ERBB4: variants seen among roughly 807,000 people sequenced by gnomAD.
ERBB4 encodes the protein erb-b2 receptor tyrosine kinase 4, also known as receptor tyrosine-protein kinase erbB-4.
ERBB4 carries 42 observed loss-of-function variants against 158.0 expected under a neutral mutation model. The observed-to-expected ratio is 0.27, with a 90% CI of 0.21 to 0.34. ERBB4 has a LOEUF of 0.34. Ranked by LOEUF, ERBB4 falls within the 10% of genes least tolerant of loss-of-function variation. The pLI is 1.00. For synonymous variants in ERBB4, 583 were observed against 558.7 expected (o/e 1.04, Z -0.61); for missense variants, 1,333 against 1,624.1 (o/e 0.82, Z 3.08).
At chr2:211,513,079 T>A (rs2065921884) in intron 20 of ERBB4, among the ~76,000 whole-genome samples, 1 of 152,138 alleles carries the variant, frequency 6.6e-6, no homozygotes, top group Non-Finnish European at 1.5e-5. Context: ...AACACTGGTC[T>A]GCTTAAGTGT....
intron 3 of ERBB4, among the ~76,000 whole-genome samples, chr2:211,935,539 A>G (rs1270164184): frequency 6.6e-6 from 1 of 152,098 alleles, no homozygotes; most frequent in African/African-American, 2.4e-5. Flanking sequence ...CCTGCACCCT[A>G]AGGCCTTTGA....
At chr2:212,186,542 C>T (rs910921399) in intron 1 of ERBB4, among the ~76,000 whole-genome samples, 10 of 152,054 alleles carry the variant, frequency 6.6e-5, no homozygotes, top group African/African-American at 7.2e-5. Context: ...AAATTGTTCC[C>T]GACCTGATTT....
intron 4 of ERBB4, among the ~76,000 whole-genome samples, chr2:211,786,319 A>G (rs577235749): frequency 3.9e-5 from 6 of 152,218 alleles, no homozygotes; most frequent in Non-Finnish European, 8.8e-5. Flanking sequence ...GTCAAAAAAC[A>G]GTCAATTCAT....
chr2:211,686,030 T>A (rs183007929), intron 12 of ERBB4, among the ~76,000 whole-genome samples: 334 of 152,270 alleles, frequency 2.2e-3, no homozygotes, highest in African/African-American at 7.5e-3. Flanking sequence ...TTTTTTGAAA[T>A]TTTTTATGTA....
At chr2:212,324,787 G>A (rs1283872714) in intron 1 of ERBB4, among the ~76,000 whole-genome samples, 5 of 150,248 alleles carry the variant, frequency 3.3e-5, no homozygotes, top group Admixed American at 6.6e-5. Flanking sequence ...GGGAAGAGGG[G>A]GAAATACTAC....
chr2:212,064,018 T>C (rs972933880), intron 2 of ERBB4, among the ~76,000 whole-genome samples: 1 of 152,068 alleles, frequency 6.6e-6, no homozygotes, highest in African/African-American at 2.4e-5. Flanking sequence ...ATAATAGAGA[T>C]ATGTATAAGA....
intron 20 of ERBB4, among the ~76,000 whole-genome samples, chr2:211,492,273 T>C (rs778773137): frequency 3.9e-5 from 6 of 152,068 alleles, no homozygotes; most frequent in Non-Finnish European, 8.8e-5. Context: ...TATTCTGATT[T>C]TGGGGGGAGC....
chr2:212,336,910 T>C (rs1029607676), intron 1 of ERBB4, among the ~76,000 whole-genome samples: 2 of 152,058 alleles, frequency 1.3e-5, no homozygotes, highest in Non-Finnish European at 2.9e-5. Flanking sequence ...TAAGTAGTTC[T>C]GAGGTAGGTC....
At chr2:212,066,664 T>G (rs990568021) in intron 2 of ERBB4, among the ~76,000 whole-genome samples, 20 of 152,010 alleles carry the variant, frequency 1.3e-4, no homozygotes, top group Non-Finnish European at 1.9e-4. Context: ...CCAAATTTCC[T>G]TGTCAATTGT....
intron 25 of ERBB4, among the ~76,000 whole-genome samples, chr2:211,403,824 G>T (rs1387739705): frequency 6.6e-6 from 1 of 151,652 alleles, no homozygotes; most frequent in African/African-American, 2.4e-5. Context: ...TTCCAGCATG[G>T]GCTTTGAAGT....
intron 14 of ERBB4, among the ~76,000 whole-genome samples, chr2:211,666,542 G>C (rs2071635267): frequency 6.6e-6 from 1 of 152,142 alleles, no homozygotes; most frequent in South Asian, 2.1e-4. Context: ...TGGTATAATG[G>C]ATGGAAAGCA....
In ERBB4 at chr2:212,367,387, G is replaced by A. The variant is rs192525627; in HGVS notation, c.82+171062C>T. On this transcript the variant is annotated intron_variant, in intron 1 of 27. Transcript: ENST00000342788. ...CGCTGGGATAATTGGCTAGCCACACGTAGGAGAATGATACTGGATCCTCAT... is the reference window on the plus strand; with the variant it reads ...CGCTGGGATAATTGGCTAGCCACACATAGGAGAATGATACTGGATCCTCAT... Among the ~76,000 whole-genome samples, 12 of 152,126 alleles carry A rather than the reference G, an allele frequency of 7.9e-5. 1 individual carries two copies. Among genetic ancestry groups the A allele is most frequent in the Non-Finnish European group, 1.2e-4 (8 of 67,996 alleles).
chr2:211,563,020 C>G (rs1013737190), intron 19 of ERBB4, among the ~76,000 whole-genome samples: 5 of 152,062 alleles, frequency 3.3e-5, no homozygotes, highest in African/African-American at 1.2e-4. Context: ...ATCCGCCCGC[C>G]TCGGCCTCCC....
chr2:211,965,039 A>T (rs543602686), intron 2 of ERBB4, among the ~76,000 whole-genome samples: 62 of 152,306 alleles, frequency 4.1e-4, no homozygotes, highest in Non-Finnish European at 8.5e-4. Context: ...ACAGACTATT[A>T]CCTATACGGC....
intron 4 of ERBB4, among the ~76,000 whole-genome samples, chr2:211,762,156 G>A (rs2075431700): frequency 6.6e-6 from 1 of 152,194 alleles, no homozygotes; most frequent in African/African-American, 2.4e-5. Context: ...CAGACAAAGA[G>A]GGAGAGGGTC....
intron 2 of ERBB4, among the ~76,000 whole-genome samples, chr2:212,003,041 G>A (rs115990732): frequency 0.029 from 4,371 of 148,370 alleles, 73 homozygotes; most frequent in African/African-American, 0.04. Context: ...GCAACAGAGC[G>A]AAACTCTGTC....
At chr2:212,253,797 G>A (rs918405938) in intron 1 of ERBB4, among the ~76,000 whole-genome samples, 2 of 152,216 alleles carry the variant, frequency 1.3e-5, no homozygotes, top group Non-Finnish European at 2.9e-5. Context: ...AAAATGTATC[G>A]TTAGGCATTT....
intron 25 of ERBB4, among the ~76,000 whole-genome samples, chr2:211,411,608 C>G (rs537954147): frequency 2.0e-5 from 3 of 152,152 alleles, no homozygotes; most frequent in Non-Finnish European, 2.9e-5. Flanking sequence ...TGGGATGATG[C>G]TTGCAGCTCT....
chr2:211,419,014 A>G (rs556387847), intron 25 of ERBB4, among the ~76,000 whole-genome samples: 26 of 152,158 alleles, frequency 1.7e-4, no homozygotes, highest in Non-Finnish European at 3.2e-4. Context: ...ATGGAGGTAG[A>G]TGAGTAAAAG....
Sources: gnomAD v4.1 joint callset for allele counts (sites outside exome capture counted in the v4.1 genomes callset) on GRCh38, gnomAD v4.1.1 for gene constraint, MANE v1.5 for transcripts, NCBI Gene and HGNC (gene_info 2026-07-23, HGNC 2026-07-21) for gene names.